Variants in SLC29A1 observed in about 807,000 individuals in gnomAD.
The protein encoded by SLC29A1 is equilibrative nucleoside transporter 1.
SLC29A1 carries 22 observed loss-of-function variants against 48.3 expected under a neutral mutation model. That is an observed-to-expected ratio of 0.46 (90% confidence interval 0.33 to 0.65). The LOEUF (loss-of-function observed/expected upper bound fraction) is 0.65. Among genes scored for constraint, SLC29A1 ranks in the 30% least tolerant of loss-of-function variants. The pLI is 0.03. For synonymous variants in SLC29A1, 228 were observed against 231.0 expected (o/e 0.99, Z 0.12); for missense variants, 491 against 575.3 (o/e 0.85, Z 1.50).
At chr6:44,220,454 G>A (rs1315222834), upstream of SLC29A1, among the ~76,000 whole-genome samples, 1 of 151,426 alleles carries the variant, frequency 6.6e-6, no homozygotes, top group Non-Finnish European at 1.5e-5. Flanking sequence ...AAAGTGCTGG[G>A]ATGACAGATG....
chr6:44,224,805 G>A (rs765276914), intron 1 of SLC29A1, among the ~76,000 whole-genome samples: 30 of 152,288 alleles, frequency 2.0e-4, no homozygotes, highest in African/African-American at 6.5e-4. Flanking sequence ...AGCAGGCCAA[G>A]GCATAGTTGG....
At chr6:44,230,694 G>T in intron 7 of SLC29A1, 29 bp downstream of exon 7, 1 of 1,481,850 alleles carries the variant, frequency 6.7e-7, no homozygotes. Context: ...CTGGGGTTTG[G>T]GGTATAGGGG....
chr6:44,226,711 C>T (rs919684728), intron 1 of SLC29A1: 1 of 990,756 alleles, frequency 1.0e-6, no homozygotes, highest in Non-Finnish European at 1.2e-6. Flanking sequence ...AGAGACCAGA[C>T]TTGCAGAGAG....
In SLC29A1 at chr6:44,233,788, C is replaced by T. The variant is rs1256920817; in HGVS notation, c.*260C>T. The T allele has an allele frequency of 3.9e-6, 2 of 516,566 alleles. No individual in the cohort carries two copies. 32.0% of individuals were successfully genotyped at this position (516,566 alleles called of 1,614,324 possible). On this transcript the variant is annotated 3_prime_UTR_variant, in exon 13 of 13. Coordinates refer to ENST00000371755, the MANE Select transcript of SLC29A1 (RefSeq NM_001372327.1). ...TGCTTGAGTTTCTCCACTCTTGGCT[C>T]TGACTGATCCCTGCTTGTGCAGGCC...
intron 1 of SLC29A1, among the ~76,000 whole-genome samples, chr6:44,224,407 G>A (rs1777040165): frequency 6.6e-6 from 1 of 151,956 alleles, no homozygotes; most frequent in African/African-American, 2.4e-5. Flanking sequence ...CTCAAGTCAG[G>A]CTGGGAATGA....
intron 1 of SLC29A1, chr6:44,225,974 C>G (rs1450004893): frequency 8.0e-6 from 2 of 250,180 alleles, no homozygotes; most frequent in Non-Finnish European, 1.3e-5. Context: ...GCTTGCAAGG[C>G]TTCTCAGAAT....
Position 44,229,729 on chromosome 6 carries a change from G to C in SLC29A1, c.252G>C (p.Met84Ile). The stretch of plus-strand genomic sequence containing the variant: ...TCAGTGCCATCTTCAACAATGTCAT[G>C]ACCCTATGTGCCATGCTGCCCCTGC... ...NSLSAIFNNV[M>I]TLCAMLPLLL... Residue 84 changes from methionine to isoleucine, a missense_variant, in exon 4 of 13, where the codon ATG becomes ATC. Physicochemically the swap from Met to Ile is conservative, Grantham distance 10. Transcript: ENST00000371755. This position sits in a 1 kb window ranked among gnomAD's most constrained non-coding sequence, Gnocchi z 5.1. 6.2e-7 allele frequency: 1 copy of C among 1,613,940 alleles called. No individual in the cohort carries two copies. Among genetic ancestry groups the C allele is most frequent in the Non-Finnish European group, 8.5e-7 (1 of 1,180,028 alleles).
At chr6:44,221,485 G>A, upstream of SLC29A1, 1 of 468,290 alleles carries the variant, frequency 2.1e-6, no homozygotes, top group South Asian at 1.8e-5. This position sits in a 1 kb window ranked among gnomAD's most constrained non-coding sequence, Gnocchi z 4.2. Flanking sequence ...CCAAGTTGGG[G>A]AGGGAGTCTG....
intron 8 of SLC29A1, 121 bp from the exon 9 acceptor site, chr6:44,231,243 C>T (rs324151): frequency 0.025 from 17,210 of 699,706 alleles, 1,249 homozygotes; most frequent in African/African-American, 0.2. Flanking sequence ...GGTTAGAGTA[C>T]GGCTGGGACT....
Position 44,227,067 on chromosome 6 carries a change from C to T in SLC29A1, c.-51-196C>T, listed in dbSNP as rs2296540. On this transcript the variant is annotated intron_variant, in intron 1 of 12. Coordinates refer to ENST00000371755, the MANE Select transcript of SLC29A1 (RefSeq NM_001372327.1). ...AGAGTCTGAGCAGGCAGGGGGGCCG[C>T]GCAGGACTGGCCTGCTGGGCCAGGG... 2.5e-3 allele frequency: 3,464 copies of T among 1,389,656 alleles called. 146 individuals carry two copies. In the East Asian group the frequency reaches 0.083, roughly 33 times the overall value. The allele number at this position is 1,389,656 out of a possible 1,614,324, so 86.1% of individuals were successfully genotyped here.
Position 44,229,507 on chromosome 6 carries a change from C to G in SLC29A1, c.111+36C>G, listed in dbSNP as rs1205605058. ...AGGGACTGGGCTCCATGGGGCAGTG[C>G]CCACTGTGCTTGCAGGATCTGACTC... On this transcript the variant is annotated intron_variant, in intron 3 of 12. Transcript: ENST00000371755. This position sits in a 1 kb window ranked among gnomAD's most constrained non-coding sequence, Gnocchi z 5.1. 1 of 1,608,546 alleles carries G rather than the reference C, an allele frequency of 6.2e-7. No individual in the cohort carries two copies. The highest frequency in any genetic ancestry group is 1.7e-5 in the Admixed American group (1 of 60,018).
upstream of SLC29A1, among the ~76,000 whole-genome samples, chr6:44,220,648 AC>A (rs1404341409): frequency 1.8e-5 from 2 of 109,704 alleles, no homozygotes; most frequent in African/African-American, 6.3e-5. Flanking sequence ...CCCCGTCTCT[AC>A]TAAAAAAAAA....
At position 44,233,603 on chromosome 6, in the gene SLC29A1, C is replaced by A; in HGVS notation, c.*75C>A. ...CCCCTTCCTTCTGCCAGGGGTGATC[C>A]TGAGTGGTCTGGCGGTTTTTTCTTC... On this transcript the variant is annotated 3_prime_UTR_variant, in exon 13 of 13. Transcript: ENST00000371755. The A allele has an allele frequency of 8.2e-7, 1 of 1,222,442 alleles. No individual in the cohort carries two copies. The highest frequency in any genetic ancestry group is 1.2e-6 in the Non-Finnish European group (1 of 828,988). The allele number at this position is 1,222,442 out of a possible 1,614,324, so 75.7% of individuals were successfully genotyped here.
intron 1 of SLC29A1, 132 bp from the exon 2 acceptor site, chr6:44,227,131 G>GGGTGCAGAGGGGGTCTTACT (rs1365239684): frequency 7.2e-7 from 1 of 1,380,900 alleles, no homozygotes; most frequent in Non-Finnish European, 9.6e-7. Flanking sequence ...CTGAGGGGCA[G>GGGTGCAGAGGGGGTCTTACT]GGTGCAGAGG....
chr6:44,232,811 G>A lies in SLC29A1; in HGVS notation c.1064G>A (p.Gly355Glu), dbSNP rs1779198328. The change falls in exon 12 of 13, where the codon GGG becomes GAG. Residue 355 changes from glycine to glutamate, a missense_variant. Transcript: ENST00000371755. This position sits in a 1 kb window ranked among gnomAD's most constrained non-coding sequence, Gnocchi z 4.7. ...RSLTAVFMWP[G>E]KDSRWLPSLV... is the part of the protein sequence containing the mutation. ...GGCCCTGCCTGGTGCCCACAGCCTG[G>A]GAAGGACAGCCGCTGGCTGCCAAGC... is the stretch of plus-strand genomic sequence containing the variant. 6.2e-7 allele frequency: 1 copy of A among 1,610,418 alleles called. No homozygotes were observed. The highest frequency in any genetic ancestry group is 1.7e-5 in the Admixed American group (1 of 59,998).
chr6:44,223,331 G>A (rs964386832), upstream of SLC29A1, among the ~76,000 whole-genome samples: 2 of 152,062 alleles, frequency 1.3e-5, no homozygotes, highest in African/African-American at 4.8e-5. This position sits in a 1 kb window ranked among gnomAD's most constrained non-coding sequence, Gnocchi z 5.0. Context: ...GTACCCTCCA[G>A]CCCCATGTAC....
rs570840841 is a variant in SLC29A1, at chr6:44,229,331, C to T, written c.30-59C>T. 18 of 1,317,028 alleles carry T rather than the reference C, an allele frequency of 1.4e-5. No homozygotes were observed. In the Admixed American group the frequency reaches 2.7e-4, roughly 20 times the overall value. 81.6% of individuals were successfully genotyped at this position (1,317,028 alleles called of 1,614,324 possible). A position where few individuals can be genotyped will look rare whatever the true frequency, so the allele number is the denominator to read the frequency against. ...AACGGACAGGGGCTTTCCTGGGGCT[C>T]ATTGTGGAGTGGGGCAGGATGGTGC... On this transcript the variant is annotated intron_variant, in intron 2 of 12. Coordinates refer to ENST00000371755, the MANE Select transcript of SLC29A1 (RefSeq NM_001372327.1). This position sits in a 1 kb window ranked among gnomAD's most constrained non-coding sequence, Gnocchi z 5.1.
At chr6:44,230,923 TG>T (rs1469292404) in intron 8 of SLC29A1, 34 bp downstream of exon 8, 3 of 1,527,698 alleles carry the variant, frequency 2.0e-6, no homozygotes, top group Non-Finnish European at 1.8e-6. Context: ...GGGTGGAGGA[TG>T]GTATACCAGG....
At chr6:44,231,789 C>T (rs1029050528) in intron 9 of SLC29A1, among the ~76,000 whole-genome samples, 4 of 152,096 alleles carry the variant, frequency 2.6e-5, no homozygotes, top group African/African-American at 4.8e-5. Context: ...CCACCATGCC[C>T]GGCTAATTTT....
Sources: gnomAD v4.1 joint callset for allele counts (sites outside exome capture counted in the v4.1 genomes callset) on GRCh38, gnomAD v4.1.1 for gene constraint, Gnocchi (gnomAD v3.1) non-coding constraint, MANE v1.5 for transcripts, NCBI Gene and HGNC (gene_info 2026-07-23, HGNC 2026-07-21) for gene names.